EVI5: variants seen among roughly 807,000 people sequenced by gnomAD.
The protein encoded by EVI5 is ecotropic viral integration site 5, also known as ecotropic viral integration site 5 protein homolog.
A neutral mutation model predicts 112.0 loss-of-function variants in EVI5; 73 were observed. That is an observed-to-expected ratio of 0.65 (90% CI 0.54 to 0.79). The LOEUF is 0.79. Ranked by LOEUF, EVI5 falls within the 30% of genes least tolerant of loss-of-function variation. The probability of loss-of-function intolerance (pLI) is 0.00; values close to 1 mark genes in which losing one functional copy is unlikely to be tolerated. For synonymous variants in EVI5, 305 were observed against 319.9 expected, an observed-to-expected ratio of 0.95 and a Z score of 0.50; for missense variants, 900 against 968.8, an observed-to-expected ratio of 0.93 and a Z score of 0.94.
At chr1:92,762,230 A>G (rs566007966) in intron 1 of EVI5, among the ~76,000 whole-genome samples, 16 of 152,210 alleles carry the variant, frequency 1.1e-4, no homozygotes, top group Non-Finnish European at 1.6e-4. Flanking sequence ...ACATATTTCT[A>G]TCTCTCTCTG....
chr1:92,738,189 C>A (rs532473938), intron 1 of EVI5, among the ~76,000 whole-genome samples: 1 of 152,182 alleles, frequency 6.6e-6, no homozygotes, highest in South Asian at 2.1e-4. Context: ...ATTTGTGCCA[C>A]GAAATGACAG....
chr1:92,639,565 G>A (rs1444070868), intron 13 of EVI5, among the ~76,000 whole-genome samples: 1 of 152,106 alleles, frequency 6.6e-6, no homozygotes, highest in Non-Finnish European at 1.5e-5. Flanking sequence ...TATACATTAA[G>A]CTTTTAACTA....
At chr1:92,756,478 A>G (rs1426671146) in intron 1 of EVI5, 10 of 539,474 alleles carry the variant, frequency 1.9e-5, no homozygotes, top group Non-Finnish European at 3.8e-5. Context: ...CATGGCCTAC[A>G]AGACTACATC....
chr1:92,634,889 C>T (rs1032486380), intron 14 of EVI5, among the ~76,000 whole-genome samples: 2 of 152,140 alleles, frequency 1.3e-5, no homozygotes, highest in African/African-American at 4.8e-5. Flanking sequence ...GTTAGTTTTC[C>T]TTCTACCAGT....
At chr1:92,665,073 C>T (rs562587065) in intron 11 of EVI5, among the ~76,000 whole-genome samples, 11 of 152,190 alleles carry the variant, frequency 7.2e-5, no homozygotes, top group Non-Finnish European at 7.4e-5. Flanking sequence ...GGCGTGGTGG[C>T]GCACGCCTAT....
Position 92,677,142 on chromosome 1 carries a change from GC to G in EVI5, c.1158+15del. On this transcript the variant is annotated intron_variant, in intron 10 of 19. Coordinates refer to ENST00000684568, the MANE Select transcript of EVI5 (RefSeq NM_001350197.2). ...TTTCAATCAATCAGTACTTTAAAAA[GC>G]CCCCAACTGCTTACTTTAATTTCAA... 6.5e-7 allele frequency: 1 copy of G among 1,529,100 alleles called. No individual in the cohort carries two copies. Among genetic ancestry groups the G allele is most frequent in the Non-Finnish European group, 9.0e-7 (1 of 1,112,572 alleles). 94.7% of individuals were successfully genotyped at this position (1,529,100 alleles called of 1,614,324 possible).
At chr1:92,696,248 T>C (rs1349331542) in intron 6 of EVI5, among the ~76,000 whole-genome samples, 4 of 152,092 alleles carry the variant, frequency 2.6e-5, no homozygotes, top group South Asian at 2.1e-4. Flanking sequence ...GACACATTAA[T>C]TGAAAATATA....
intron 18 of EVI5, 59 bp from the exon 19 acceptor site, chr1:92,563,796 C>A: frequency 2.1e-6 from 2 of 967,836 alleles, no homozygotes; most frequent in South Asian, 1.4e-5. Flanking sequence ...AGCATGTACT[C>A]AAATAGTTCA....
At chr1:92,777,630 AAGG>A (rs1361871616) in intron 1 of EVI5, among the ~76,000 whole-genome samples, 2 of 152,198 alleles carry the variant, frequency 1.3e-5, no homozygotes, top group African/African-American at 4.8e-5. Context: ...ATAACCCCAT[AAGG>A]AGGAGACAAC....
At chr1:92,713,359 CGACCATACTA>C (rs1673125113) in intron 2 of EVI5, among the ~76,000 whole-genome samples, 2 of 150,878 alleles carry the variant, frequency 1.3e-5, no homozygotes, top group Admixed American at 6.6e-5. Context: ...ACAATATGGT[CGACCATACTA>C]GACCATACTA....
intron 1 of EVI5, among the ~76,000 whole-genome samples, chr1:92,775,793 T>C (rs1684042855): frequency 6.6e-6 from 1 of 152,202 alleles, no homozygotes; most frequent in African/African-American, 2.4e-5. Flanking sequence ...AGCAGGCTTC[T>C]GTATTTTATA....
intron 18 of EVI5, among the ~76,000 whole-genome samples, chr1:92,577,410 G>A (rs958339345): frequency 2.5e-4 from 38 of 152,206 alleles, no homozygotes; most frequent in Admixed American, 6.5e-5. Flanking sequence ...TTGCCGGCAG[G>A]GCAGAAGTCC....
chr1:92,531,046 G>T (rs1662780587), intron 19 of EVI5, among the ~76,000 whole-genome samples: 1 of 152,068 alleles, frequency 6.6e-6, no homozygotes, highest in East Asian at 2.0e-4. Context: ...TTGAAAAAAG[G>T]TCAGATGAAT....
At chr1:92,773,126 A>G (rs1401577879) in intron 1 of EVI5, among the ~76,000 whole-genome samples, 1 of 151,304 alleles carries the variant, frequency 6.6e-6, no homozygotes, top group Non-Finnish European at 1.5e-5. Flanking sequence ...GAATCTCTTG[A>G]ACCCAGGAGG....
chr1:92,524,057 A>C (rs909931293), intron 19 of EVI5, among the ~76,000 whole-genome samples: 1 of 150,842 alleles, frequency 6.6e-6, no homozygotes, highest in Non-Finnish European at 1.5e-5. Context: ...AGATAGCGCC[A>C]CTGCACTCCA....
intron 10 of EVI5, among the ~76,000 whole-genome samples, chr1:92,671,243 C>A (rs1665831536): frequency 6.6e-6 from 1 of 152,118 alleles, no homozygotes; most frequent in Non-Finnish European, 1.5e-5. Flanking sequence ...GTCATTTCTC[C>A]ATCCTCATTT....
At chr1:92,720,145 T>G (rs764412428) in intron 2 of EVI5, among the ~76,000 whole-genome samples, 2 of 152,086 alleles carry the variant, frequency 1.3e-5, no homozygotes, top group African/African-American at 4.8e-5. Context: ...AAGCTACAAT[T>G]GACTTTCTTC....
intron 18 of EVI5, among the ~76,000 whole-genome samples, chr1:92,591,761 A>C (rs927411665): frequency 6.6e-6 from 1 of 152,208 alleles, no homozygotes; most frequent in African/African-American, 2.4e-5. Context: ...AAGTGGACCT[A>C]ATAGACATCT....
intron 1 of EVI5, among the ~76,000 whole-genome samples, chr1:92,739,278 A>C (rs956807236): frequency 2.0e-5 from 3 of 150,826 alleles, no homozygotes; most frequent in Admixed American, 1.3e-4. Context: ...CGTCTCAAAA[A>C]AAAAAAAAAA....
Sources: gnomAD v4.1 joint callset for allele counts (sites outside exome capture counted in the v4.1 genomes callset) on GRCh38, gnomAD v4.1.1 for gene constraint, MANE v1.5 for transcripts, NCBI Gene and HGNC (gene_info 2026-07-23, HGNC 2026-07-21) for gene names.